Variants in SF3B3 observed in about 807,000 individuals in gnomAD.
The protein encoded by SF3B3 is SAP 130.
SF3B3 carries 33 observed loss-of-function variants against 139.2 expected under a neutral mutation model. The ratio of observed to expected loss-of-function variants is 0.24; its 90% CI spans 0.18 to 0.32. SF3B3 has a LOEUF of 0.32. Ranked by LOEUF, SF3B3 falls within the 10% of genes least tolerant of loss-of-function variation. The pLI, the probability that SF3B3 is intolerant of heterozygous loss-of-function variation, is 1.00. For synonymous variants in SF3B3, 596 were observed against 563.6 expected, an observed-to-expected ratio of 1.06 and a Z score of -0.81; for missense variants, 818 against 1,509.4, an observed-to-expected ratio of 0.54 and a Z score of 7.59.
intron 25 of SF3B3, 113 bp from the exon 26 acceptor site, chr16:70,571,560 G>T (rs2050529696): frequency 8.6e-7 from 1 of 1,168,074 alleles, no homozygotes; most frequent in Non-Finnish European, 1.2e-6. Flanking sequence ...GTGAGACCCT[G>T]TCTCAAAAAC....
intron 10 of SF3B3, among the ~76,000 whole-genome samples, chr16:70,547,858 G>C (rs886992108): frequency 7.9e-5 from 12 of 152,136 alleles, no homozygotes; most frequent in African/African-American, 2.9e-4. Context: ...CCAAAGTGCT[G>C]GGATTTCAGG....
At chr16:70,556,422 GTCTATCTCTGAGATCAGCT>G (rs1293868500) in intron 14 of SF3B3, 88 bp downstream of exon 14, 7 of 1,428,968 alleles carry the variant, frequency 4.9e-6, no homozygotes, top group Non-Finnish European at 5.9e-6. Context: ...CACTCCTGAT[GTCTATCTCTGAGATCAGCT>G]GGGTTAGAAC....
chr16:70,543,651 T>C (rs1219876201), intron 9 of SF3B3, among the ~76,000 whole-genome samples: 1 of 152,068 alleles, frequency 6.6e-6, no homozygotes, highest in Non-Finnish European at 1.5e-5. Flanking sequence ...GAGGTTGCAG[T>C]GAGCTTACAC....
Position 70,570,088 on chromosome 16 carries a change from C to T in SF3B3, c.3347C>T (p.Ser1116Leu). The T allele has an allele frequency of 6.2e-7, 1 of 1,614,108 alleles. No individual in the cohort carries two copies. The highest frequency in any genetic ancestry group is 8.5e-7 in the Non-Finnish European group (1 of 1,180,034). Residue 1116 changes from serine to leucine, a missense_variant, in exon 24 of 26, where the codon TCA (serine) becomes TTA (leucine). By Grantham distance (145) the Ser-to-Leu change is moderately radical. Coordinates refer to ENST00000302516, the MANE Select transcript of SF3B3 (RefSeq NM_012426.5). ...ACGCTGATCCCTGGAGGCTCAGAAT[C>T]ACTTGTCTATACCACCTTGTCTGGA... ...KTTLIPGGSESLVYTTLSGGI... is the reference protein window; with the variant it reads ...KTTLIPGGSELLVYTTLSGGI...
In SF3B3 at chr16:70,544,512, A is replaced by G. The variant is rs376181305; in HGVS notation, c.1308A>G (p.Arg436=). ...ACGRGPRSSL[R]VLRHGLEVSE... is the part of the protein sequence containing the mutation. ...GTAGGGGACCCCGATCATCTCTGAG[A>G]GTCCTAAGACATGGACTTGAGGTAA... is the stretch of plus-strand genomic sequence containing the variant. Residue 436 remains arginine, a synonymous_variant, in exon 10 of 26, where the codon AGA becomes AGG. Transcript: ENST00000302516. The G allele has an allele frequency of 1.3e-5, 21 of 1,608,110 alleles. No individual in the cohort carries two copies. Among genetic ancestry groups the G allele is most frequent in the Non-Finnish European group, 1.7e-5 (20 of 1,174,632 alleles).
intron 13 of SF3B3, among the ~76,000 whole-genome samples, chr16:70,555,602 C>T (rs2050373274): frequency 1.3e-5 from 2 of 151,976 alleles, no homozygotes; most frequent in African/African-American, 4.8e-5. Context: ...ATGAAATCCC[C>T]TCTTAGCAGT....
intron 6 of SF3B3, among the ~76,000 whole-genome samples, chr16:70,536,318 C>T (rs943912396): frequency 1.3e-5 from 2 of 151,958 alleles, no homozygotes; most frequent in African/African-American, 4.8e-5. Flanking sequence ...CAGGCATGCA[C>T]TGCCACACCT....
chr16:70,549,451 ATG>A (rs2151786329), intron 11 of SF3B3, among the ~76,000 whole-genome samples: 1 of 152,312 alleles, frequency 6.6e-6, no homozygotes, highest in East Asian at 1.9e-4. Flanking sequence ...ACCTGGTTTT[ATG>A]TGTAGTATCT....
chr16:70,531,471 T>G (rs1398475687), intron 4 of SF3B3, among the ~76,000 whole-genome samples: 1 of 152,114 alleles, frequency 6.6e-6, no homozygotes, highest in African/African-American at 2.4e-5. Context: ...GAGATGGGGT[T>G]TCACTATGTT....
Position 70,563,997 on chromosome 16 carries a change from C to A in SF3B3, c.2410C>A (p.His804Asn). The change falls in exon 18 of 26, where the codon CAC becomes AAC. Residue 804 changes from histidine (H) to asparagine (N), a missense_variant. Physicochemically the swap from His to Asn is moderately conservative, Grantham distance 68 (BLOSUM62 1). Transcript: ENST00000302516. The part of the protein sequence containing the change: ...SNNLIIIETD[H>N]NAYTEATKAQ... ...CAACCTTATTATCATTGAAACGGAC[C>A]ACAATGCCTACACTGAGGCCACGAA... 1 of 1,614,054 alleles carries A rather than the reference C, an allele frequency of 6.2e-7. No homozygotes were observed. The highest frequency in any genetic ancestry group is 8.5e-7 in the Non-Finnish European group (1 of 1,180,016).
intron 10 of SF3B3, among the ~76,000 whole-genome samples, chr16:70,546,633 A>G (rs1175725893): frequency 1.3e-5 from 2 of 152,160 alleles, no homozygotes; most frequent in African/African-American, 4.8e-5. Context: ...CTTGGGCAAA[A>G]GAGTGATACT....
chr16:70,544,703 G>A (rs2050251729), intron 10 of SF3B3, among the ~76,000 whole-genome samples, 170 bp downstream of exon 10: 1 of 152,082 alleles, frequency 6.6e-6, no homozygotes, highest in South Asian at 2.1e-4. Context: ...CTTTCTTTTT[G>A]TCTCCAAAAC....
chr16:70,552,615 T>G (rs1259315154), intron 11 of SF3B3, among the ~76,000 whole-genome samples: 4 of 152,244 alleles, frequency 2.6e-5, no homozygotes, highest in Admixed American at 2.6e-4. Flanking sequence ...TTGTCCTGTA[T>G]TATTCCTTAT....
rs2050564688 is a variant in SF3B3, at chr16:70,575,075, G to GC, written c.*3265dup. The GC allele has an allele frequency of 6.6e-6, 1 of 152,110 alleles. No homozygotes were observed. The highest frequency in any genetic ancestry group is 2.4e-5 in the African/African-American group (1 of 41,436). 9.4% of individuals were successfully genotyped at this position (152,110 alleles called of 1,614,324 possible). A position where few individuals can be genotyped will look rare whatever the true frequency, so the allele number is the denominator to read the frequency against. ...TGATTGACATTTGAGTGATCTGGTA[G>GC]CCCAACACACCCTGTGAAGTTCAGG... On this transcript the variant is annotated 3_prime_UTR_variant, in exon 26 of 26. Coordinates refer to ENST00000302516, the MANE Select transcript of SF3B3 (RefSeq NM_012426.5).
chr16:70,538,538 A>T, intron 7 of SF3B3, 78 bp downstream of exon 7: 2 of 1,264,082 alleles, frequency 1.6e-6, no homozygotes, highest in Non-Finnish European at 2.2e-6. Context: ...TTACAAGTTA[A>T]AAAAATGAGA....
At chr16:70,528,166 T>TC (rs1005759801) in intron 2 of SF3B3, among the ~76,000 whole-genome samples, 5 of 125,474 alleles carry the variant, frequency 4.0e-5, no homozygotes, top group South Asian at 4.5e-4. Context: ...AGTTTTCTTT[T>TC]TTTTTTTTTT....
chr16:70,536,817 T>TC (rs1352640097), intron 6 of SF3B3, among the ~76,000 whole-genome samples: 1 of 149,366 alleles, frequency 6.7e-6, no homozygotes, highest in Non-Finnish European at 1.5e-5. Context: ...CTTTTTTTTT[T>TC]TTTTTTTTTT....
chr16:70,534,114 C>G (rs187842665), intron 5 of SF3B3, among the ~76,000 whole-genome samples: 1 of 152,070 alleles, frequency 6.6e-6, no homozygotes, highest in African/African-American at 2.4e-5. Flanking sequence ...GGAAAGGAAA[C>G]GAATGTGTTA....
At chr16:70,566,660 A>G (rs1192368005) in intron 20 of SF3B3, among the ~76,000 whole-genome samples, 1 of 152,204 alleles carries the variant, frequency 6.6e-6, no homozygotes, top group Non-Finnish European at 1.5e-5. Flanking sequence ...CAATGACAGC[A>G]TGTGGATTCC....
Sources: allele counts gnomAD v4.1 joint callset (sites outside exome capture counted in the v4.1 genomes callset), GRCh38; gene constraint gnomAD v4.1.1; transcripts MANE v1.5; gene names NCBI Gene and HGNC (gene_info 2026-07-23, HGNC 2026-07-21).